Variants in ARL6IP5 observed in about 807,000 individuals in gnomAD.
The protein encoded by ARL6IP5 is ARF like GTPase 6 interacting protein 5, also known as PRA1 family protein 3.
Under a neutral mutation model 13.0 loss-of-function variants are expected in ARL6IP5, and 6 were observed. The observed-to-expected ratio is 0.46, with a 90% CI of 0.25 to 0.91. The LOEUF (loss-of-function observed/expected upper bound fraction) is 0.91. Among genes scored for constraint, ARL6IP5 ranks in the 40% least tolerant of loss-of-function variants. The pLI is 0.17. For synonymous variants in ARL6IP5, 91 were observed against 91.9 expected, an observed-to-expected ratio of 0.99 and a Z score of 0.06; for missense variants, 208 against 248.8, an observed-to-expected ratio of 0.84 and a Z score of 1.10.
At chr3:69,101,272 G>A (rs542729898) in intron 1 of ARL6IP5, among the ~76,000 whole-genome samples, 3 of 149,024 alleles carry the variant, frequency 2.0e-5, no homozygotes, top group African/African-American at 2.5e-5. Context: ...GACCTCTAAC[G>A]AGATACTTTG....
Position 69,105,008 on chromosome 3 carries a change from G to A in ARL6IP5, c.*372G>A, listed in dbSNP as rs745898795. ...ATTGTAAAGTATCAAGACAATACGA[G>A]TAAATGAAAAGGCTGTTAAAGTAGA... On this transcript the variant is annotated 3_prime_UTR_variant, in exon 3 of 3. Transcript: ENST00000273258. The A allele has an allele frequency of 3.1e-6, 2 of 636,170 alleles. No homozygotes were observed. Among genetic ancestry groups the A allele is most frequent in the Admixed American group, 2.7e-5 (1 of 37,112 alleles). 39.4% of individuals were successfully genotyped at this position (636,170 alleles called of 1,614,324 possible). A position where few individuals can be genotyped will look rare whatever the true frequency, so the allele number is the denominator to read the frequency against.
intron 1 of ARL6IP5, among the ~76,000 whole-genome samples, chr3:69,090,410 C>T (rs1475455687): frequency 6.6e-6 from 1 of 152,146 alleles, no homozygotes; most frequent in East Asian, 1.9e-4. Flanking sequence ...AGCTGTGATT[C>T]CTGCCTTCAC....
chr3:69,099,137 GT>G (rs559653965), intron 1 of ARL6IP5, among the ~76,000 whole-genome samples: 5,776 of 54,764 alleles, frequency 0.11, 228 homozygotes, highest in African/African-American at 0.16. Flanking sequence ...GGCGGGGGGG[GT>G]GGGGGGTGGA....
intron 1 of ARL6IP5, among the ~76,000 whole-genome samples, chr3:69,098,786 T>C (rs2092295399): frequency 6.6e-6 from 1 of 152,174 alleles, no homozygotes; most frequent in African/African-American, 2.4e-5. Context: ...CCACTCAATA[T>C]ATAATGTCTT....
At chr3:69,086,885 G>C (rs1301318564) in intron 1 of ARL6IP5, among the ~76,000 whole-genome samples, 1 of 152,014 alleles carries the variant, frequency 6.6e-6, no homozygotes, top group African/African-American at 2.4e-5. Context: ...ACCATGCCTA[G>C]CTAATTTTTG....
chr3:69,096,838 G>C (rs758067329), intron 1 of ARL6IP5, among the ~76,000 whole-genome samples: 1 of 151,976 alleles, frequency 6.6e-6, no homozygotes, highest in Non-Finnish European at 1.5e-5. Context: ...TCCTGACCTT[G>C]TGATCCACCT....
At chr3:69,101,381 G>A (rs1391176998) in intron 1 of ARL6IP5, among the ~76,000 whole-genome samples, 1 of 147,376 alleles carries the variant, frequency 6.8e-6, no homozygotes, top group Non-Finnish European at 1.5e-5. Context: ...GGAGTGCAGT[G>A]GGGGAATCTT....
chr3:69,094,384 G>C (rs2092280241), intron 1 of ARL6IP5, among the ~76,000 whole-genome samples: 3 of 152,192 alleles, frequency 2.0e-5, no homozygotes. Flanking sequence ...GCAGGCAGGG[G>C]CCAGACCCTG....
At chr3:69,088,695 T>A (rs141705404) in intron 1 of ARL6IP5, among the ~76,000 whole-genome samples, 3 of 152,338 alleles carry the variant, frequency 2.0e-5, no homozygotes, top group Non-Finnish European at 2.9e-5. Context: ...AAACTTGCGT[T>A]TTGCTGGAAA....
chr3:69,104,769 A>C lies in ARL6IP5; in HGVS notation c.*133A>C. 2 of 1,008,888 alleles carry C rather than the reference A, an allele frequency of 2.0e-6. No individual in the cohort carries two copies. Among genetic ancestry groups the C allele is most frequent in the Non-Finnish European group, 3.0e-6 (2 of 662,370 alleles). The allele number at this position is 1,008,888 out of a possible 1,614,324, so 62.5% of individuals were successfully genotyped here. ...CAATTATCTATGGCAGCATGCATGTATAGGCCGAACTATTATCAGCTCTGA... is the reference window on the plus strand; with the variant it reads ...CAATTATCTATGGCAGCATGCATGTCTAGGCCGAACTATTATCAGCTCTGA... On this transcript the variant is annotated 3_prime_UTR_variant, in exon 3 of 3. Coordinates refer to ENST00000273258, the MANE Select transcript of ARL6IP5 (RefSeq NM_006407.4).
intron 1 of ARL6IP5, among the ~76,000 whole-genome samples, chr3:69,092,045 G>A (rs2092269101): frequency 6.6e-6 from 1 of 151,832 alleles, no homozygotes; most frequent in Admixed American, 6.6e-5. Flanking sequence ...CTGTTTCTGA[G>A]AATGCCTTCA....
chr3:69,096,335 G>A (rs985989200), intron 1 of ARL6IP5, among the ~76,000 whole-genome samples: 2 of 152,098 alleles, frequency 1.3e-5, no homozygotes, highest in Non-Finnish European at 2.9e-5. Flanking sequence ...ATTGTTCCTT[G>A]TCCTGGACTT....
rs1444346598 is a variant in ARL6IP5, at chr3:69,097,112, AT to A, written c.177-4726del. On this transcript the variant is annotated intron_variant, in intron 1 of 2. Transcript: ENST00000273258. ...AAGCAAATGGAAATAAACTCCCCTTATCCTACTATACTGTAGTCTTTGGTAT... is the reference window on the plus strand; with the variant it reads ...AAGCAAATGGAAATAAACTCCCCTTACCTACTATACTGTAGTCTTTGGTAT... Among the ~76,000 whole-genome samples the A allele has an allele frequency of 2.6e-5, 4 of 152,230 alleles. No homozygotes were observed. The East Asian group carries it at 5.8e-4, about 22-fold the overall frequency.
intron 1 of ARL6IP5, among the ~76,000 whole-genome samples, chr3:69,096,597 C>CTTTTTTTTTTTTTTTTT (rs11291168): frequency 4.3e-5 from 3 of 69,554 alleles, no homozygotes; most frequent in African/African-American, 6.0e-5. Context: ...TTTTGCTTTG[C>CTTTTTTTTTTTTTTTTT]TTTTTTTTTT....
chr3:69,089,960 G>T, intron 1 of ARL6IP5: 1 of 418,910 alleles, frequency 2.4e-6, no homozygotes, highest in Non-Finnish European at 4.7e-6. Context: ...TACTCAAGAT[G>T]GTAAGGAGTT....
rs138104965 is a variant in ARL6IP5 at position 69,087,598 on chromosome 3, C to T, written c.176+2375C>T. 3.2e-3 allele frequency among the ~76,000 whole-genome samples: 492 copies of T among 152,326 alleles called. 2 individuals carry two copies. Among genetic ancestry groups the T allele is most frequent in the African/African-American group, 0.011 (472 of 41,586 alleles). On this transcript the variant is annotated intron_variant, in intron 1 of 2. Coordinates refer to ENST00000273258, the MANE Select transcript of ARL6IP5 (RefSeq NM_006407.4). ...TTTCACTGTGAAGGCCAGGGGCCAG[C>T]CCTTTGACTAAATATAGCTCCGTCA...
intron 1 of ARL6IP5, among the ~76,000 whole-genome samples, chr3:69,099,132 G>A (rs111876363): frequency 3.6e-5 from 4 of 110,902 alleles, no homozygotes; most frequent in African/African-American, 1.1e-4. Context: ...TGAGGGGCGG[G>A]GGGGGTGGGG....
intron 1 of ARL6IP5, among the ~76,000 whole-genome samples, chr3:69,099,531 A>G (rs2092299232): frequency 1.3e-5 from 2 of 152,354 alleles, no homozygotes; most frequent in Admixed American, 1.3e-4. Flanking sequence ...TAATTTTAAA[A>G]TGTTCAAAAT....
rs2092306624 is a variant in ARL6IP5, at chr3:69,101,903, G to A, written c.241G>A (p.Val81Met). 1 of 1,614,062 alleles carries A rather than the reference G, an allele frequency of 6.2e-7. No homozygotes were observed. The highest frequency in any genetic ancestry group is 1.1e-5 in the South Asian group (1 of 91,072). The change falls in exon 2 of 3, where the codon GTG (valine) becomes ATG (methionine). Residue 81 changes from valine (V) to methionine (M), a missense_variant. Val to Met is a conservative substitution (Grantham distance 21). Transcript: ENST00000273258. The part of the protein sequence containing the change: ...IVVVLVFTGF[V>M]WAAHNKDVLR... ...GGTGGTGCTGGTGTTCACAGGGTTTGTGTGGGCAGCCCACAATAAAGACGT... is the reference window on the plus strand; with the variant it reads ...GGTGGTGCTGGTGTTCACAGGGTTTATGTGGGCAGCCCACAATAAAGACGT...
Sources: gnomAD v4.1 joint callset for allele counts (sites outside exome capture counted in the v4.1 genomes callset) on GRCh38, gnomAD v4.1.1 for gene constraint, MANE v1.5 for transcripts, NCBI Gene and HGNC (gene_info 2026-07-23, HGNC 2026-07-21) for gene names.